CD44: variants seen among roughly 807,000 people sequenced by gnomAD.
CD44 encodes CD44 antigen.
A neutral mutation model predicts 88.8 loss-of-function variants in CD44; 49 were observed. The ratio of observed to expected loss-of-function variants is 0.55; its 90% CI spans 0.44 to 0.70. The LOEUF (loss-of-function observed/expected upper bound fraction) is 0.70, where lower values mean the gene tolerates loss of function less well. CD44 is among the 30% of genes least tolerant of loss of function. The pLI, the probability that CD44 is intolerant of heterozygous loss-of-function variation, is 0.00. For missense variants in CD44, 883 were observed against 913.8 expected (o/e 0.97, Z 0.43); for synonymous variants, 325 against 312.3 (o/e 1.04, Z -0.43).
At chr11:35,191,072 C>T (rs1051551815) in intron 5 of CD44, among the ~76,000 whole-genome samples, 9 of 152,188 alleles carry the variant, frequency 5.9e-5, no homozygotes, top group African/African-American at 1.9e-4. Context: ...AGGGCATCTG[C>T]CTCTGGAGCG....
chr11:35,188,215 A>G (rs1945888660), intron 4 of CD44, among the ~76,000 whole-genome samples: 2 of 152,208 alleles, frequency 1.3e-5, no homozygotes, highest in Non-Finnish European at 2.9e-5. Context: ...CGTAGACCAT[A>G]CAAACCCAGC....
chr11:35,142,557 C>T (rs1413819802), intron 1 of CD44, among the ~76,000 whole-genome samples: 1 of 152,132 alleles, frequency 6.6e-6, no homozygotes, highest in Non-Finnish European at 1.5e-5. Flanking sequence ...AGAGACTCCG[C>T]CCCCTGCTGG....
chr11:35,184,831 G>A (rs764370234), intron 3 of CD44, among the ~76,000 whole-genome samples: 5 of 152,168 alleles, frequency 3.3e-5, no homozygotes, highest in Non-Finnish European at 7.3e-5. Flanking sequence ...ATCTAAATGC[G>A]TGACCTGTAC....
At chr11:35,203,326 C>T (rs1226539704) in intron 9 of CD44, among the ~76,000 whole-genome samples, 13 of 152,094 alleles carry the variant, frequency 8.5e-5, no homozygotes, top group Non-Finnish European at 1.5e-5. Flanking sequence ...TATACAGTCA[C>T]ACACATACAC....
chr11:35,192,790 C>CTT (rs35505196), intron 5 of CD44, among the ~76,000 whole-genome samples: 34 of 109,556 alleles, frequency 3.1e-4, no homozygotes, highest in African/African-American at 8.4e-4. Flanking sequence ...GGAATTCTTT[C>CTT]TTTTTTTTTT....
intron 5 of CD44, 119 bp from the exon 6 acceptor site, chr11:35,196,627 A>G: frequency 2.7e-6 from 3 of 1,098,990 alleles, no homozygotes; most frequent in Non-Finnish European, 3.8e-6. Context: ...TCTTTTCACC[A>G]TCTATATCAA....
At chr11:35,149,330 T>A (rs1312502997) in intron 1 of CD44, among the ~76,000 whole-genome samples, 1 of 152,080 alleles carries the variant, frequency 6.6e-6, no homozygotes, top group Non-Finnish European at 1.5e-5. Context: ...GATGAGGAGG[T>A]CTGGCTTTGA....
At chr11:35,177,549 A>G (rs1944592665) in intron 2 of CD44, among the ~76,000 whole-genome samples, 1 of 152,230 alleles carries the variant, frequency 6.6e-6, no homozygotes, top group African/African-American at 2.4e-5. Context: ...GTGCTTTTGC[A>G]GTGTCTTTAG....
At chr11:35,199,767 T>A (rs1337361862) in intron 7 of CD44, among the ~76,000 whole-genome samples, 1 of 152,144 alleles carries the variant, frequency 6.6e-6, no homozygotes, top group Non-Finnish European at 1.5e-5. Flanking sequence ...TTTTACATTA[T>A]ACTGTCTCCT....
intron 16 of CD44, among the ~76,000 whole-genome samples, chr11:35,219,879 A>AG: frequency 6.6e-6 from 1 of 152,188 alleles, no homozygotes; most frequent in East Asian, 1.9e-4. Context: ...TTTTTGGTCG[A>AG]GGGACCGCCT....
At chr11:35,214,387 A>G (rs527672115) in intron 14 of CD44, among the ~76,000 whole-genome samples, 1 of 152,290 alleles carries the variant, frequency 6.6e-6, no homozygotes, top group East Asian at 1.9e-4. Context: ...TCCTGCCGCC[A>G]AGAAATCTCT....
At chr11:35,200,959 A>T in intron 7 of CD44, 123 bp from the exon 8 acceptor site, 2 of 740,042 alleles carry the variant, frequency 2.7e-6, no homozygotes, top group Non-Finnish European at 4.9e-6. Flanking sequence ...CCATGCAGCC[A>T]TCTATACAAC....
chr11:35,159,628 A>G (rs565949479), intron 1 of CD44, among the ~76,000 whole-genome samples: 9 of 152,202 alleles, frequency 5.9e-5, no homozygotes, highest in Non-Finnish European at 1.3e-4. Context: ...TGCTTTTTGT[A>G]TATTTATTCT....
chr11:35,145,725 C>T (rs943461549), intron 1 of CD44, among the ~76,000 whole-genome samples: 4 of 152,168 alleles, frequency 2.6e-5, no homozygotes, highest in African/African-American at 9.7e-5. Context: ...CTCCTCCAAC[C>T]CCCATGTCTG....
intron 4 of CD44, 129 bp from the exon 5 acceptor site, chr11:35,189,706 C>A (rs978246801): frequency 4.4e-6 from 3 of 678,578 alleles, no homozygotes; most frequent in Non-Finnish European, 7.9e-6. Flanking sequence ...GCCACTCTCT[C>A]CCACCACTGG....
intron 17 of CD44, among the ~76,000 whole-genome samples, 164 bp from the exon 18 acceptor site, chr11:35,228,965 G>T (rs1171895583): frequency 6.6e-6 from 1 of 152,172 alleles, no homozygotes; most frequent in Non-Finnish European, 1.5e-5. Flanking sequence ...TTAAGTGCTG[G>T]TTGTTAGTTG....
chr11:35,147,771 T>C (rs1859464187), intron 1 of CD44, among the ~76,000 whole-genome samples: 1 of 152,138 alleles, frequency 6.6e-6, no homozygotes, highest in African/African-American at 2.4e-5. Context: ...CCTTTGCAAG[T>C]GTTCACTATT....
intron 2 of CD44, 42 bp from the exon 3 acceptor site, chr11:35,180,232 C>A: frequency 6.2e-7 from 1 of 1,606,572 alleles, no homozygotes; most frequent in South Asian, 1.1e-5. Flanking sequence ...AAATTCCCAT[C>A]TTAGCCATTT....
intron 5 of CD44, among the ~76,000 whole-genome samples, chr11:35,191,390 G>A (rs1946257026): frequency 6.6e-6 from 1 of 152,208 alleles, no homozygotes; most frequent in Non-Finnish European, 1.5e-5. Context: ...GAGTTTTCAA[G>A]CTGCCCATAC....
Sources: allele counts gnomAD v4.1 joint callset (sites outside exome capture counted in the v4.1 genomes callset), GRCh38; gene constraint gnomAD v4.1.1; transcripts MANE v1.5; gene names NCBI Gene and HGNC (gene_info 2026-07-23, HGNC 2026-07-21).